The following SPHKAP variants were observed in gnomAD, a reference collection of about 807,000 sequenced individuals.
The protein encoded by SPHKAP is SPHK1 interactor, AKAP domain containing, also known as A-kinase anchor protein SPHKAP.
In SPHKAP, 67 loss-of-function variants were observed where a neutral mutation model predicts 137.5. That is an observed-to-expected ratio of 0.49 (90% CI 0.40 to 0.60). The LOEUF (loss-of-function observed/expected upper bound fraction) is 0.60, where lower values mean the gene tolerates loss of function less well. Ranked by LOEUF, SPHKAP falls within the 20% of genes least tolerant of loss-of-function variation. The probability of loss-of-function intolerance (pLI) is 0.00; values close to 1 mark genes in which losing one functional copy is unlikely to be tolerated. For synonymous variants in SPHKAP, 813 were observed against 785.3 expected, an observed-to-expected ratio of 1.04 and a Z score of -0.59; for missense variants, 2,097 against 2,069.3, an observed-to-expected ratio of 1.01 and a Z score of -0.26.
chr2:228,126,343 G>A (rs1360715106), intron 2 of SPHKAP, among the ~76,000 whole-genome samples: 1 of 152,144 alleles, frequency 6.6e-6, no homozygotes, highest in East Asian at 1.9e-4. Context: ...CAACCTGGAT[G>A]GATTGAAAGT....
In SPHKAP at chr2:228,139,057, G is replaced by A. The variant is rs570282298; in HGVS notation, c.33-6972C>T. On this transcript the variant is annotated intron_variant, in intron 1 of 11. Transcript: ENST00000392056. ...TAAAACAAGTGTCCCATTCTTAGAA[G>A]AAAGAATGGCCTCAAATTTAGCTAT... Among the ~76,000 whole-genome samples the A allele has an allele frequency of 1.9e-4, 29 of 152,228 alleles. No individual in the cohort carries two copies. The South Asian group carries it at 5.8e-3, about 30-fold the overall frequency.
At position 228,051,541 on chromosome 2, in the gene SPHKAP, A is replaced by G. The variant is rs979773849; in HGVS notation, c.247-23998T>C. Among the ~76,000 whole-genome samples the G allele has an allele frequency of 4.6e-5, 7 of 152,224 alleles. No homozygotes were observed. The East Asian group carries it at 1.2e-3, about 25-fold the overall frequency. On this transcript the variant is annotated intron_variant, in intron 3 of 11. Transcript: ENST00000392056. ...TGGTTCAAGTGGGGTTGAAAGACACACAGAACACCCAGATCCAGAAACGCC... is the reference window on the plus strand; with the variant it reads ...TGGTTCAAGTGGGGTTGAAAGACACGCAGAACACCCAGATCCAGAAACGCC...
At chr2:228,166,393 A>G (rs938359865) in intron 1 of SPHKAP, among the ~76,000 whole-genome samples, 5 of 152,192 alleles carry the variant, frequency 3.3e-5, no homozygotes, top group Non-Finnish European at 5.9e-5. Context: ...ACCTCCTTGT[A>G]GTAAATTTAC....
intron 3 of SPHKAP, among the ~76,000 whole-genome samples, chr2:228,065,872 T>G (rs1267058527): frequency 6.6e-6 from 1 of 152,186 alleles, no homozygotes; most frequent in Admixed American, 6.5e-5. Context: ...CCCAGGCTAT[T>G]GAGATGAATA....
chr2:228,010,974 C>T (rs555137641), intron 7 of SPHKAP, among the ~76,000 whole-genome samples: 1 of 152,208 alleles, frequency 6.6e-6, no homozygotes, highest in Non-Finnish European at 1.5e-5. Flanking sequence ...TGAGCTTATA[C>T]TTGATGGGGC....
intron 3 of SPHKAP, among the ~76,000 whole-genome samples, chr2:228,087,158 T>C (rs1300944471): frequency 6.6e-6 from 1 of 152,118 alleles, no homozygotes; most frequent in Non-Finnish European, 1.5e-5. Flanking sequence ...TCATCCTAGG[T>C]GGTTGTACAA....
chr2:228,105,775 C>T (rs1698325139), intron 3 of SPHKAP, among the ~76,000 whole-genome samples: 1 of 152,050 alleles, frequency 6.6e-6, no homozygotes. Context: ...TCTTGCCTGC[C>T]ACCATATGAG....
intron 1 of SPHKAP, chr2:228,169,660 T>G (rs936978206): frequency 1.3e-5 from 2 of 152,108 alleles, no homozygotes; most frequent in Non-Finnish European, 2.9e-5. Flanking sequence ...TTTTTATGCC[T>G]GCTTACATAA....
intron 7 of SPHKAP, among the ~76,000 whole-genome samples, chr2:227,998,111 AC>A (rs1693702424): frequency 6.6e-6 from 1 of 152,060 alleles, no homozygotes; most frequent in African/African-American, 2.4e-5. Context: ...GATATAAGCA[AC>A]TCCCCTGCCT....
intron 1 of SPHKAP, among the ~76,000 whole-genome samples, chr2:228,164,756 G>T (rs370027714): frequency 6.6e-6 from 1 of 152,164 alleles, no homozygotes; most frequent in South Asian, 2.1e-4. Context: ...CTCTTTAAAC[G>T]CTCAATTGCT....
At chr2:228,158,142 T>C (rs1700163333) in intron 1 of SPHKAP, among the ~76,000 whole-genome samples, 1 of 152,134 alleles carries the variant, frequency 6.6e-6, no homozygotes, top group African/African-American at 2.4e-5. Context: ...AATTGAGCCA[T>C]TATTCAGTGA....
At chr2:228,067,698 T>C (rs761325791) in intron 3 of SPHKAP, among the ~76,000 whole-genome samples, 2 of 152,324 alleles carry the variant, frequency 1.3e-5, no homozygotes, top group Middle Eastern at 3.4e-3. Flanking sequence ...AGTGTTCTGC[T>C]GCTAGAAGAA....
intron 3 of SPHKAP, among the ~76,000 whole-genome samples, chr2:228,087,119 A>G (rs1005690417): frequency 6.6e-6 from 1 of 152,336 alleles, no homozygotes; most frequent in African/African-American, 2.4e-5. Context: ...GAGGAAAGAC[A>G]GTCAAAGAGA....
At chr2:228,065,401 A>T (rs1257506917) in intron 3 of SPHKAP, among the ~76,000 whole-genome samples, 2 of 152,130 alleles carry the variant, frequency 1.3e-5, no homozygotes, top group Non-Finnish European at 2.9e-5. Context: ...AAACAAGTCT[A>T]TTGGTTCTTG....
chr2:227,997,395 G>C (rs938654027), intron 7 of SPHKAP, among the ~76,000 whole-genome samples: 2 of 151,976 alleles, frequency 1.3e-5, no homozygotes, highest in Admixed American at 1.3e-4. Context: ...CTTGTCACCT[G>C]TTCAACTTAA....
At chr2:228,156,662 T>C (rs183017652) in intron 1 of SPHKAP, among the ~76,000 whole-genome samples, 28 of 152,304 alleles carry the variant, frequency 1.8e-4, no homozygotes, top group Non-Finnish European at 4.4e-5. Flanking sequence ...TCATCCTGAA[T>C]TGTAGCTCCT....
intron 1 of SPHKAP, among the ~76,000 whole-genome samples, chr2:228,148,590 G>A (rs1444570019): frequency 1.3e-5 from 2 of 152,170 alleles, no homozygotes; most frequent in African/African-American, 4.8e-5. Context: ...TGCTGGAATG[G>A]AAGAGGAGGC....
At chr2:228,155,064 G>T (rs1211454870) in intron 1 of SPHKAP, among the ~76,000 whole-genome samples, 2 of 152,030 alleles carry the variant, frequency 1.3e-5, no homozygotes, top group Non-Finnish European at 2.9e-5. Flanking sequence ...CTCAATTATT[G>T]TGGTTTCACT....
chr2:228,042,927 C>T (rs1046165409), intron 3 of SPHKAP, among the ~76,000 whole-genome samples: 1 of 152,068 alleles, frequency 6.6e-6, no homozygotes, highest in African/African-American at 2.4e-5. Context: ...TAAATGGGTG[C>T]CAGCATTATG....
Sources: gnomAD v4.1 joint callset for allele counts (sites outside exome capture counted in the v4.1 genomes callset) on GRCh38, gnomAD v4.1.1 for gene constraint, MANE v1.5 for transcripts, NCBI Gene and HGNC (gene_info 2026-07-23, HGNC 2026-07-21) for gene names.